PCDHGA6: variants seen among roughly 807,000 people sequenced by gnomAD.
The protein encoded by PCDHGA6 is protocadherin gamma subfamily A, 6, also known as protocadherin gamma-A6.
Under a neutral mutation model 60.6 loss-of-function variants are expected in PCDHGA6, and 41 were observed. The observed-to-expected ratio is 0.68, with a 90% CI of 0.53 to 0.88. PCDHGA6 has a LOEUF of 0.88. Among genes scored for constraint, PCDHGA6 ranks in the 40% least tolerant of loss-of-function variants. The pLI is 0.00. For missense variants in PCDHGA6, 1,312 were observed against 1,203.0 expected, an observed-to-expected ratio of 1.09 and a Z score of -1.34; for synonymous variants, 594 against 524.4, an observed-to-expected ratio of 1.13 and a Z score of -1.81.
chr5:141,489,732 C>CA lies in PCDHGA6; in HGVS notation c.2425-5073dup, dbSNP rs770971020. On this transcript the variant is annotated intron_variant, in intron 1 of 3. Transcript: ENST00000517434. This position sits in a 1 kb window ranked among gnomAD's most constrained non-coding sequence, Gnocchi z 4.5. ...GTGCCCAGGATCCGGATGTGGGCAC[C>CA]AATACTGTGAGCTTTTACACTCTAA... 4.3e-6 allele frequency: 7 copies of CA among 1,614,008 alleles called. No individual in the cohort carries two copies. Among genetic ancestry groups the CA allele is most frequent in the Non-Finnish European group, 5.9e-6 (7 of 1,180,002 alleles).
At position 141,432,950 on chromosome 5, in the gene PCDHGA6, G is replaced by T. The variant is rs750033444; in HGVS notation, c.2424+56443G>T. ...ACGCCTGCTGCAGGCTTCAGGAGGCGGCTTGACAGGAGCGCCGGCGTCGCA... is the reference window on the plus strand; with the variant it reads ...ACGCCTGCTGCAGGCTTCAGGAGGCTGCTTGACAGGAGCGCCGGCGTCGCA... On this transcript the variant is annotated intron_variant, in intron 1 of 3. Coordinates refer to ENST00000517434, the MANE Select transcript of PCDHGA6 (RefSeq NM_018919.3). This position sits in a 1 kb window ranked among gnomAD's most constrained non-coding sequence, Gnocchi z 6.0. 6 of 1,614,072 alleles carry T rather than the reference G, an allele frequency of 3.7e-6. No individual in the cohort carries two copies. Among genetic ancestry groups the T allele is most frequent in the Admixed American group, 1.7e-5 (1 of 60,010 alleles).
intron 1 of PCDHGA6, among the ~76,000 whole-genome samples, chr5:141,464,882 A>T (rs1418376370): frequency 6.6e-6 from 1 of 151,918 alleles, no homozygotes; most frequent in Middle Eastern, 3.2e-3. Context: ...AGGACTACAG[A>T]TGGATGCCAC....
chr5:141,408,112 C>T, intron 1 of PCDHGA6: 1 of 1,460,448 alleles, frequency 6.8e-7, no homozygotes, highest in African/African-American at 1.4e-5. Flanking sequence ...CCCGGGACTC[C>T]TCCTGTCCTG....
Position 141,448,073 on chromosome 5 carries a change from C to T in PCDHGA6, c.2425-46734C>T, listed in dbSNP as rs1025112556. ...TGCTCTCCAGCCTGGGCAACATGAA[C>T]GAAATGCCATCTTAAAAAAAAAAAA... On this transcript the variant is annotated intron_variant, in intron 1 of 3. Coordinates refer to ENST00000517434, the MANE Select transcript of PCDHGA6 (RefSeq NM_018919.3). 3.3e-5 allele frequency among the ~76,000 whole-genome samples: 5 copies of T among 151,432 alleles called. No individual in the cohort carries two copies. In the East Asian group the frequency reaches 5.8e-4, roughly 18 times the overall value.
At chr5:141,392,577 T>C in intron 1 of PCDHGA6, 1 of 462,996 alleles carries the variant, frequency 2.2e-6, no homozygotes. Context: ...TTTAGGACTG[T>C]AAGCGCCGCT....
Position 141,376,079 on chromosome 5 carries a change from G to A in PCDHGA6, c.1996G>A (p.Asp666Asn), listed in dbSNP as rs367626751. ...TGTCACGCTCACCGTGGCCGTGGCC[G>A]ACAGGATCCCCGACATCCTGGCCGA... is the stretch of plus-strand genomic sequence containing the variant. ...ATVTLTVAVA[D>N]RIPDILADLG... is the part of the protein sequence containing the mutation. The change falls in exon 1 of 4, where the codon GAC becomes AAC. Residue 666 changes from aspartate to asparagine, a missense_variant. Coordinates refer to ENST00000517434, the MANE Select transcript of PCDHGA6 (RefSeq NM_018919.3). The A allele has an allele frequency of 5.8e-5, 93 of 1,613,564 alleles. No individual in the cohort carries two copies. The highest frequency in any genetic ancestry group is 1.3e-4 in the Admixed American group (8 of 60,010).
At chr5:141,494,188 T>C (rs2099752632) in intron 1 of PCDHGA6, among the ~76,000 whole-genome samples, 1 of 152,186 alleles carries the variant, frequency 6.6e-6, no homozygotes, top group South Asian at 2.1e-4. Flanking sequence ...GTCCCGGGAC[T>C]TGGATGCCCC....
rs749347013 is a variant in PCDHGA6, at chr5:141,476,739, C to G, written c.2425-18068C>G. 6.2e-7 allele frequency: 1 copy of G among 1,614,068 alleles called. No individual in the cohort carries two copies. Among genetic ancestry groups the G allele is most frequent in the South Asian group, 1.1e-5 (1 of 91,088 alleles). On this transcript the variant is annotated intron_variant, in intron 1 of 3. Transcript: ENST00000517434. The surrounding 1 kb of genome is among the most constrained non-coding windows in gnomAD (Gnocchi z 7.6). Reference sequence around the variant, plus strand: ...CGCGCCCTGGACCGAGAACGGGAGCCTAGTCTCCAGTTAGTGCTGACGGCG... The same window carrying G: ...CGCGCCCTGGACCGAGAACGGGAGCGTAGTCTCCAGTTAGTGCTGACGGCG...
At chr5:141,410,008 C>A (rs2095347582) in intron 1 of PCDHGA6, 1 of 1,613,220 alleles carries the variant, frequency 6.2e-7, no homozygotes, top group Non-Finnish European at 8.5e-7. Flanking sequence ...GACACAACGC[C>A]TGGCTGTCCT....
intron 1 of PCDHGA6, among the ~76,000 whole-genome samples, chr5:141,430,380 T>C (rs1464446838): frequency 2.7e-5 from 4 of 147,890 alleles, no homozygotes; most frequent in Non-Finnish European, 4.5e-5. Flanking sequence ...AAAAGCTCAT[T>C]GGGAAAAAAA....
intron 1 of PCDHGA6, among the ~76,000 whole-genome samples, chr5:141,425,769 A>C (rs1355689852): frequency 6.6e-6 from 1 of 152,256 alleles, no homozygotes; most frequent in Non-Finnish European, 1.5e-5. Flanking sequence ...ACAGGAGAGA[A>C]GACTTTGCCT....
chr5:141,495,107 A>G (rs559621284), intron 2 of PCDHGA6, among the ~76,000 whole-genome samples: 1 of 152,166 alleles, frequency 6.6e-6, no homozygotes, highest in East Asian at 1.9e-4. Flanking sequence ...CACGACCGGC[A>G]CCTTTTCCTA....
chr5:141,495,424 A>C (rs927637242), intron 2 of PCDHGA6, among the ~76,000 whole-genome samples: 1 of 152,088 alleles, frequency 6.6e-6, no homozygotes, highest in African/African-American at 2.4e-5. Context: ...CCCTCCTCCC[A>C]CTGTCCTCTG....
In PCDHGA6 at chr5:141,409,582, C is replaced by A. The variant is rs2095287974; in HGVS notation, c.2424+33075C>A. On this transcript the variant is annotated intron_variant, in intron 1 of 3. Coordinates refer to ENST00000517434, the MANE Select transcript of PCDHGA6 (RefSeq NM_018919.3). ...TCGACCAGACGTCCTACGTGGTCCA[C>A]GTGGCCGAGAACAACCCGCCAGGAG... 2.5e-6 allele frequency: 4 copies of A among 1,613,914 alleles called. No homozygotes were observed. The Middle Eastern group carries it at 4.9e-4, about 200-fold the overall frequency.
chr5:141,415,434 C>T, intron 1 of PCDHGA6: 2 of 1,614,192 alleles, frequency 1.2e-6, no homozygotes, highest in Non-Finnish European at 1.7e-6. Context: ...TTCGGGCTTT[C>T]CTGCAGACCT....
rs1472806327 is a variant in PCDHGA6 at position 141,447,891 on chromosome 5, G to C, written c.2425-46916G>C. Among the ~76,000 whole-genome samples the C allele has an allele frequency of 1.3e-5, 2 of 152,080 alleles. 1 individual carries two copies. Among genetic ancestry groups the C allele is most frequent in the African/African-American group, 4.8e-5 (2 of 41,408 alleles). On this transcript the variant is annotated intron_variant, in intron 1 of 3. Coordinates refer to ENST00000517434, the MANE Select transcript of PCDHGA6 (RefSeq NM_018919.3). Reference sequence around the variant, plus strand: ...ATCTGAGGTCAGGAGTTCGAGACCAGCCTGGCCAACATGGTGAAACTCTGT... The same window carrying C: ...ATCTGAGGTCAGGAGTTCGAGACCACCCTGGCCAACATGGTGAAACTCTGT...
At chr5:141,400,259 T>A (rs2150848027) in intron 1 of PCDHGA6, 2 of 1,614,016 alleles carry the variant, frequency 1.2e-6, no homozygotes, top group Non-Finnish European at 1.7e-6. Flanking sequence ...GCCTTGCGCC[T>A]GCGACGCTCC....
chr5:141,400,314 CAA>C (rs1443669567), intron 1 of PCDHGA6: 1 of 1,613,960 alleles, frequency 6.2e-7, no homozygotes, highest in Non-Finnish European at 8.5e-7. Context: ...GTCTCTGTGT[CAA>C]GTCTGGACCT....
chr5:141,475,705 A>G (rs2099367264), intron 1 of PCDHGA6, among the ~76,000 whole-genome samples: 1 of 152,246 alleles, frequency 6.6e-6, no homozygotes. Flanking sequence ...CAGAACGGCT[A>G]GCCTCACAGC....
Sources: gnomAD v4.1 joint callset for allele counts (sites outside exome capture counted in the v4.1 genomes callset) on GRCh38, gnomAD v4.1.1 for gene constraint, Gnocchi (gnomAD v3.1) non-coding constraint, MANE v1.5 for transcripts, NCBI Gene and HGNC (gene_info 2026-07-23, HGNC 2026-07-21) for gene names.